The following RB1CC1 variants were observed in gnomAD, a reference collection of about 807,000 sequenced individuals.
The protein encoded by RB1CC1 is RB1-inducible coiled-coil protein 1.
RB1CC1 carries 46 observed loss-of-function variants against 177.5 expected under a neutral mutation model. That is an observed-to-expected ratio of 0.26 (90% CI 0.20 to 0.33). The LOEUF is 0.33. Among genes scored for constraint, RB1CC1 ranks in the 10% least tolerant of loss-of-function variants. RB1CC1 has a pLI of 1.00. For missense variants in RB1CC1, 1,703 were observed against 1,816.3 expected (o/e 0.94, Z 1.13); for synonymous variants, 666 against 613.6 (o/e 1.09, Z -1.26).
chr8:52,626,746 T>C (rs1223898373), intron 22 of RB1CC1, among the ~76,000 whole-genome samples: 2 of 152,182 alleles, frequency 1.3e-5, no homozygotes, highest in Admixed American at 1.3e-4. Flanking sequence ...TCATTTTTCA[T>C]GGTTACATGA....
intron 1 of RB1CC1, among the ~76,000 whole-genome samples, chr8:52,692,166 T>C (rs1451751698): frequency 1.3e-5 from 2 of 152,172 alleles, no homozygotes; most frequent in African/African-American, 4.8e-5. Flanking sequence ...AATAAAAATA[T>C]CACCTGAGAA....
chr8:52,674,013 A>C lies in RB1CC1; in HGVS notation c.834T>G (p.Ile278Met). The C allele has an allele frequency of 6.2e-7, 1 of 1,614,160 alleles. No individual in the cohort carries two copies. The highest frequency in any genetic ancestry group is 1.1e-5 in the South Asian group (1 of 91,082). The part of the protein sequence containing the change: ...DTADAESGKE[I>M]RESCQSTVHQ... ...GAACAGTACTTTGACAAGATTCCCT[A>C]ATTTCTTTGCCACTTTCAGCATCTG... Residue 278 changes from isoleucine to methionine, a missense_variant, in exon 7 of 24, where the codon ATT (isoleucine) becomes ATG (methionine). Ile to Met is a conservative substitution (Grantham distance 10). Around this residue, in one of 6 missense-constraint regions of RB1CC1, gnomAD observed 315 missense variants for 304.9 expected, o/e 1.03. Transcript: ENST00000025008.
rs553017978 is a variant in RB1CC1 at position 52,623,761 on chromosome 8, T to C, written c.*21A>G. On this transcript the variant is annotated 3_prime_UTR_variant, in exon 24 of 24. Transcript: ENST00000025008. ...CAAATCAGAAAAAAATGTCATAGAA[T>C]GTATTAATTTTGTCCATAAGTTATA... is the stretch of plus-strand genomic sequence containing the variant. 102 of 1,525,840 alleles carry C rather than the reference T, an allele frequency of 6.7e-5. 2 individuals carry two copies. The South Asian group carries it at 1.1e-3, about 16-fold the overall frequency. 94.5% of individuals were successfully genotyped at this position (1,525,840 alleles called of 1,614,324 possible).
intron 1 of RB1CC1, among the ~76,000 whole-genome samples, chr8:52,693,359 T>C (rs1455926374): frequency 6.6e-6 from 1 of 152,188 alleles, no homozygotes; most frequent in Admixed American, 6.5e-5. Context: ...AAGAAAATTT[T>C]TGCAATCTAT....
At chr8:52,639,753 G>T (rs1849421241) in intron 18 of RB1CC1, among the ~76,000 whole-genome samples, 3 of 152,230 alleles carry the variant, frequency 2.0e-5, no homozygotes, top group African/African-American at 4.8e-5. Context: ...TAATCAGTGA[G>T]TATGGTTAGG....
intron 6 of RB1CC1, among the ~76,000 whole-genome samples, chr8:52,675,372 GA>G (rs201226644): frequency 1.3e-5 from 2 of 150,562 alleles, no homozygotes; most frequent in Admixed American, 6.6e-5. Flanking sequence ...ATAATTAAAA[GA>G]AAAAAAAATC....
chr8:52,682,364 G>A lies in RB1CC1; in HGVS notation c.369+1185C>T, dbSNP rs116627328. On this transcript the variant is annotated intron_variant, in intron 5 of 23. Transcript: ENST00000025008. ...TTAAGTCCAATTAAACCTCTTTTTC[G>A]TCCCAGGCTCGGGTTATGTCTTTAT... is the stretch of plus-strand genomic sequence containing the variant. Among the ~76,000 whole-genome samples the A allele has an allele frequency of 8.7e-4, 133 of 152,064 alleles. 1 individual carries two copies. Among genetic ancestry groups the A allele is most frequent in the African/African-American group, 2.9e-3 (121 of 41,476 alleles).
chr8:52,700,010 T>C (rs1855903279), intron 1 of RB1CC1, among the ~76,000 whole-genome samples: 1 of 151,634 alleles, frequency 6.6e-6, no homozygotes, highest in African/African-American at 2.4e-5. Context: ...TCTACTCTAA[T>C]ACCTACCTAC....
intron 7 of RB1CC1, among the ~76,000 whole-genome samples, chr8:52,671,536 A>G (rs1852603062): frequency 6.6e-6 from 1 of 152,208 alleles, no homozygotes; most frequent in Admixed American, 6.5e-5. Context: ...TATCAAGAAA[A>G]AGTATAGTAC....
At chr8:52,655,983 A>G in intron 15 of RB1CC1, 25 bp downstream of exon 15, 1 of 1,501,666 alleles carries the variant, frequency 6.7e-7, no homozygotes, top group African/African-American at 1.4e-5. Flanking sequence ...TAATTTTATA[A>G]TTACAGACTA....
intron 20 of RB1CC1, among the ~76,000 whole-genome samples, chr8:52,633,823 A>T (rs1436339834): frequency 6.6e-6 from 1 of 152,108 alleles, no homozygotes; most frequent in East Asian, 1.9e-4. Flanking sequence ...GGCAATTCCA[A>T]TTTGCCTGGA....
In RB1CC1 at chr8:52,657,510, G is replaced by A. The variant is rs760490084; in HGVS notation, c.2319C>T (p.Asp773=). Residue 773 remains aspartate, a synonymous_variant, in exon 15 of 24, where the codon GAC becomes GAT. Coordinates refer to ENST00000025008, the MANE Select transcript of RB1CC1 (RefSeq NM_014781.5). The part of the protein sequence containing the change: ...SLYSSVINAI[D]SRRMQDTNVC... ...CATTTGTATCCTGCATTCGTCTACT[G>A]TCTATCGCATTGATAACTGATGAAT... 6.2e-7 allele frequency: 1 copy of A among 1,613,722 alleles called. No homozygotes were observed. Among genetic ancestry groups the A allele is most frequent in the African/African-American group, 1.3e-5 (1 of 74,894 alleles).
At position 52,660,688 on chromosome 8, in the gene RB1CC1, T is replaced by C. The variant is rs761873711; in HGVS notation, c.1628-31A>G. On this transcript the variant is annotated intron_variant, in intron 11 of 23. Transcript: ENST00000025008. ...TAAAGAAATTAACAATATGGTTATTTTAGAGCTTTATTTAAGGCAAAAAAT... is the reference window on the plus strand; with the variant it reads ...TAAAGAAATTAACAATATGGTTATTCTAGAGCTTTATTTAAGGCAAAAAAT... 11 of 1,557,640 alleles carry C rather than the reference T, an allele frequency of 7.1e-6. No individual in the cohort carries two copies. The African/African-American group carries it at 1.5e-4, about 22-fold the overall frequency.
intron 15 of RB1CC1, among the ~76,000 whole-genome samples, chr8:52,647,071 A>T (rs1032654672): frequency 1.3e-5 from 2 of 152,152 alleles, no homozygotes; most frequent in Admixed American, 1.3e-4. Context: ...TTCACTCTAC[A>T]TGTTTCTTAT....
intron 5 of RB1CC1, among the ~76,000 whole-genome samples, chr8:52,678,503 T>C (rs1434475124): frequency 6.6e-6 from 1 of 152,150 alleles, no homozygotes; most frequent in East Asian, 1.9e-4. Flanking sequence ...AACAGAGGTA[T>C]GAGAGAGAAA....
rs1357819875 is a variant in RB1CC1, at chr8:52,668,073, T to C, written c.1121A>G (p.Gln374Arg). ...GLEDRLYALD[Q>R]MIASCGRLVN... ...CAGTCGGCCACAGCTAGCAATCATC[T>C]GGTCCAGGGCGTAGAGCCGATCTTC... Residue 374 changes from glutamine to arginine, a missense_variant, in exon 8 of 24, where the codon CAG (glutamine) becomes CGG (arginine). Transcript: ENST00000025008. 1 of 1,614,034 alleles carries C rather than the reference T, an allele frequency of 6.2e-7. No homozygotes were observed. Among genetic ancestry groups the C allele is most frequent in the East Asian group, 2.2e-5 (1 of 44,884 alleles).
chr8:52,658,736 G>C (rs1427293469), intron 13 of RB1CC1, 137 bp downstream of exon 13: 22 of 486,486 alleles, frequency 4.5e-5, no homozygotes, highest in Admixed American at 4.3e-5. Context: ...TCTCAAAGCA[G>C]TCACAGGAAA....
chr8:52,623,866 G>C lies in RB1CC1; in HGVS notation c.4708-7C>G. Reference sequence around the variant, plus strand: ...CTTTAAATCTGTTTTGTGCCTAAGAGGGAAAGAAAAAATGGAATCACTAGA... The same window carrying C: ...CTTTAAATCTGTTTTGTGCCTAAGACGGAAAGAAAAAATGGAATCACTAGA... On this transcript the variant is annotated splice_region_variant and splice_polypyrimidine_tract_variant and intron_variant, in intron 23 of 23. Transcript: ENST00000025008. The C allele has an allele frequency of 6.3e-7, 1 of 1,590,058 alleles. No individual in the cohort carries two copies. Among genetic ancestry groups the C allele is most frequent in the Non-Finnish European group, 8.6e-7 (1 of 1,159,802 alleles).
At position 52,642,514 on chromosome 8, in the gene RB1CC1, A is replaced by C; in HGVS notation, c.4174T>G (p.Leu1392Val). Residue 1392 changes from leucine to valine, a missense_variant, in exon 18 of 24, where the codon TTG becomes GTG. Leu to Val is a conservative substitution (Grantham distance 32). Coordinates refer to ENST00000025008, the MANE Select transcript of RB1CC1 (RefSeq NM_014781.5). ...KKKLEEEVSK[L>V]RSSSFVPSPY... ...GAAGGAACAAAACTGCTACTACGCA[A>C]CTTACTGACTTCTTCTTCAAGCTTT... The C allele has an allele frequency of 6.2e-7, 1 of 1,614,092 alleles. No homozygotes were observed. The highest frequency in any genetic ancestry group is 8.5e-7 in the Non-Finnish European group (1 of 1,179,978).
Sources: allele counts gnomAD v4.1 joint callset (sites outside exome capture counted in the v4.1 genomes callset), GRCh38; gene constraint gnomAD v4.1.1; regional missense constraint gnomAD v4.1.1; transcripts MANE v1.5; gene names NCBI Gene and HGNC (gene_info 2026-07-23, HGNC 2026-07-21).